Variants in WDR64 observed in about 807,000 individuals in gnomAD.
The protein encoded by WDR64 is WD repeat domain 64.
Under a neutral mutation model 139.3 loss-of-function variants are expected in WDR64, and 112 were observed. The ratio of observed to expected loss-of-function variants is 0.80; its 90% CI spans 0.69 to 0.94. The LOEUF is 0.94. Among genes scored for constraint, WDR64 ranks in the 40% least tolerant of loss-of-function variants. The probability of loss-of-function intolerance (pLI) is 0.00; values close to 1 mark genes in which losing one functional copy is unlikely to be tolerated. For missense variants in WDR64, 1,206 were observed against 1,293.1 expected, an observed-to-expected ratio of 0.93 and a Z score of 1.03; for synonymous variants, 444 against 437.7, an observed-to-expected ratio of 1.01 and a Z score of -0.18.
rs185199804 is a variant in WDR64, at chr1:241,760,133, G to A, written c.1947+2674G>A. Among the ~76,000 whole-genome samples, 680 of 152,184 alleles carry A rather than the reference G, an allele frequency of 4.5e-3. 7 individuals are homozygous for A. Among genetic ancestry groups the A allele is most frequent in the African/African-American group, 0.016 (662 of 41,518 alleles). Reference sequence around the variant, plus strand: ...CCATTCATCCATCAATGGATACTTGGGTTGCTTTCACTTTTTTGCTATTAA... The same window carrying A: ...CCATTCATCCATCAATGGATACTTGAGTTGCTTTCACTTTTTTGCTATTAA... On this transcript the variant is annotated intron_variant, in intron 15 of 27. Coordinates refer to ENST00000437684, the MANE Select transcript of WDR64 (RefSeq NM_001367482.1).
intron 27 of WDR64, among the ~76,000 whole-genome samples, chr1:241,796,648 G>C (rs748963190): frequency 6.6e-6 from 1 of 152,032 alleles, no homozygotes; most frequent in Non-Finnish European, 1.5e-5. Flanking sequence ...ATGCGCCACT[G>C]TGTCCAGCTA....
chr1:241,714,191 C>T (rs560655534), intron 9 of WDR64, among the ~76,000 whole-genome samples: 1 of 152,262 alleles, frequency 6.6e-6, no homozygotes, highest in East Asian at 1.9e-4. Context: ...GGCATGTAGG[C>T]TTGCAAGACT....
intron 15 of WDR64, among the ~76,000 whole-genome samples, chr1:241,758,961 CA>C (rs1670318122): frequency 6.6e-6 from 1 of 152,100 alleles, no homozygotes; most frequent in East Asian, 1.9e-4. Context: ...CTGATATTCC[CA>C]ATTCAAATGT....
chr1:241,748,407 T>G (rs943743188), intron 13 of WDR64, among the ~76,000 whole-genome samples: 1 of 152,188 alleles, frequency 6.6e-6, no homozygotes. Flanking sequence ...GCCTCCTGGT[T>G]TATAGATGGT....
chr1:241,767,593 G>A (rs1293586986), intron 16 of WDR64, among the ~76,000 whole-genome samples: 1 of 152,122 alleles, frequency 6.6e-6, no homozygotes, highest in Non-Finnish European at 1.5e-5. Context: ...TAAAAGAGGA[G>A]AGAAGGGAGA....
chr1:241,664,633 G>A (rs1408064925), intron 2 of WDR64, among the ~76,000 whole-genome samples: 1 of 151,810 alleles, frequency 6.6e-6, no homozygotes, highest in East Asian at 1.9e-4. Context: ...CATTGTCTCT[G>A]ACATCTGCTC....
chr1:241,655,313 C>A (rs1013426496), intron 1 of WDR64, among the ~76,000 whole-genome samples: 1 of 152,040 alleles, frequency 6.6e-6, no homozygotes, highest in African/African-American at 2.4e-5. Flanking sequence ...AACCAGGACC[C>A]GGGAGGCAGA....
intron 18 of WDR64, among the ~76,000 whole-genome samples, chr1:241,771,070 C>G (rs1658409089): frequency 6.6e-6 from 1 of 152,062 alleles, no homozygotes; most frequent in Non-Finnish European, 1.5e-5. Flanking sequence ...GGAGAAGAGA[C>G]AGCAGGTACT....
intron 5 of WDR64, among the ~76,000 whole-genome samples, chr1:241,678,750 T>A (rs919968019): frequency 6.6e-6 from 1 of 151,726 alleles, no homozygotes; most frequent in Non-Finnish European, 1.5e-5. Flanking sequence ...TGCTGGACTT[T>A]TTCATTGCTT....
At chr1:241,684,028 A>T (rs866402108) in intron 7 of WDR64, among the ~76,000 whole-genome samples, 2 of 152,176 alleles carry the variant, frequency 1.3e-5, no homozygotes, top group Admixed American at 1.3e-4. Flanking sequence ...CGTGAAAAAA[A>T]CTATAAAAGA....
intron 14 of WDR64, among the ~76,000 whole-genome samples, chr1:241,752,418 T>C (rs1030653892): frequency 1.3e-5 from 2 of 152,224 alleles, no homozygotes; most frequent in African/African-American, 4.8e-5. Flanking sequence ...CCTCATGTCC[T>C]CACTTGGTAA....
chr1:241,660,681 T>C, intron 2 of WDR64, 21 bp downstream of exon 2: 3 of 1,542,486 alleles, frequency 1.9e-6, no homozygotes, highest in Admixed American at 2.0e-5. Flanking sequence ...TTCATGTTCA[T>C]AATATGAAAT....
intron 10 of WDR64, among the ~76,000 whole-genome samples, chr1:241,734,519 T>G (rs969844972): frequency 2.0e-5 from 3 of 152,190 alleles, no homozygotes; most frequent in Non-Finnish European, 2.9e-5. Context: ...TATTTATTAA[T>G]TGATTTATTA....
At chr1:241,794,149 C>T (rs1030347318) in intron 25 of WDR64, among the ~76,000 whole-genome samples, 8 of 151,110 alleles carry the variant, frequency 5.3e-5, no homozygotes, top group African/African-American at 1.9e-4. Context: ...CCATTGCACT[C>T]CAGCCTGGGC....
chr1:241,736,798 T>C (rs1378125985), intron 10 of WDR64, among the ~76,000 whole-genome samples: 2 of 152,186 alleles, frequency 1.3e-5, no homozygotes, highest in Non-Finnish European at 2.9e-5. Context: ...ATAAGGTGAA[T>C]GGTGCTGATG....
At chr1:241,777,528 C>CCACCT (rs1442048184) in intron 21 of WDR64, among the ~76,000 whole-genome samples, 2 of 151,910 alleles carry the variant, frequency 1.3e-5, no homozygotes, top group Non-Finnish European at 2.9e-5. Context: ...AGCAATTTTC[C>CCACCT]CACCTCAGCC....
chr1:241,799,216 AAAAAAAAT>A (rs1450580839), intron 27 of WDR64, among the ~76,000 whole-genome samples: 3 of 134,968 alleles, frequency 2.2e-5, no homozygotes, highest in African/African-American at 5.3e-5. Context: ...AAAAAAAAAA[AAAAAAAAT>A]ACAAAAATTA....
At chr1:241,762,007 G>T (rs1370576875) in intron 15 of WDR64, among the ~76,000 whole-genome samples, 1 of 152,098 alleles carries the variant, frequency 6.6e-6, no homozygotes, top group Admixed American at 6.5e-5. Flanking sequence ...TTGCTATTTT[G>T]ACCTCCTCCC....
chr1:241,755,943 C>G (rs1670172938), intron 14 of WDR64, among the ~76,000 whole-genome samples: 1 of 152,096 alleles, frequency 6.6e-6, no homozygotes, highest in South Asian at 2.1e-4. Flanking sequence ...GTACTAGTAC[C>G]ATGCTGTTTT....
Sources: allele counts gnomAD v4.1 joint callset (sites outside exome capture counted in the v4.1 genomes callset), GRCh38; gene constraint gnomAD v4.1.1; transcripts MANE v1.5; gene names NCBI Gene and HGNC (gene_info 2026-07-23, HGNC 2026-07-21).